CUX1: variants seen among roughly 807,000 people sequenced by gnomAD.
CUX1 encodes protein CASP.
In CUX1, 31 loss-of-function variants were observed where a neutral mutation model predicts 158.8. That is an observed-to-expected ratio of 0.20 (90% confidence interval 0.15 to 0.26). The LOEUF (loss-of-function observed/expected upper bound fraction) is 0.26. CUX1 is among the 10% of genes least tolerant of loss of function. The pLI is 1.00. For missense variants in CUX1, 1,589 were observed against 2,014.6 expected, an observed-to-expected ratio of 0.79 and a Z score of 4.04; for synonymous variants, 879 against 862.1, an observed-to-expected ratio of 1.02 and a Z score of -0.34.
chr7:102,011,779 C>T (rs1350400765), intron 2 of CUX1, among the ~76,000 whole-genome samples: 1 of 152,136 alleles, frequency 6.6e-6, no homozygotes, highest in Non-Finnish European at 1.5e-5. Context: ...CTCTCATTTT[C>T]GGCAGCAGGG....
chr7:102,096,317 G>A (rs1470198987), intron 4 of CUX1, among the ~76,000 whole-genome samples: 1 of 151,380 alleles, frequency 6.6e-6, no homozygotes, highest in Non-Finnish European at 1.5e-5. Context: ...AAGGAGGATC[G>A]TAATGGAAAG....
rs1320092010 is a variant in CUX1 at position 102,249,785 on chromosome 7, G to A, written c.*743G>A. 4.1e-6 allele frequency: 4 copies of A among 985,650 alleles called. No individual in the cohort carries two copies. The highest frequency in any genetic ancestry group is 2.3e-4 in the East Asian group (2 of 8,830). The allele number at this position is 985,650 out of a possible 1,614,324, so 61.1% of individuals were successfully genotyped here. On this transcript the variant is annotated 3_prime_UTR_variant, in exon 24 of 24. Coordinates refer to ENST00000292535, the MANE Select transcript of CUX1 (RefSeq NM_181552.4). ...AAACGACTCTAAACACACTAGTTTGGATTCCTAAATATTTTCAAGAAAAGA... is the reference window on the plus strand; with the variant it reads ...AAACGACTCTAAACACACTAGTTTGAATTCCTAAATATTTTCAAGAAAAGA...
At chr7:102,097,792 G>T (rs1829356057) in intron 5 of CUX1, among the ~76,000 whole-genome samples, 1 of 152,236 alleles carries the variant, frequency 6.6e-6, no homozygotes, top group Admixed American at 6.5e-5. Context: ...GATTGGGTCT[G>T]CCTCTTGAAA....
chr7:102,219,687 C>T (rs1030612871), intron 20 of CUX1, among the ~76,000 whole-genome samples: 2 of 152,148 alleles, frequency 1.3e-5, no homozygotes, highest in Non-Finnish European at 2.9e-5. Context: ...TTGTTTCTTT[C>T]ATGGTAAGGA....
chr7:101,895,729 C>G (rs1056863921), intron 1 of CUX1, among the ~76,000 whole-genome samples: 1 of 152,058 alleles, frequency 6.6e-6, no homozygotes, highest in African/African-American at 2.4e-5. Context: ...GCTGCCAGTC[C>G]AACCTTGCCC....
At chr7:102,195,426 A>G in intron 13 of CUX1, 81 bp from the exon 14 acceptor site, 1 of 1,108,124 alleles carries the variant, frequency 9.0e-7, no homozygotes. Flanking sequence ...AGATGGAGGG[A>G]GGCAGGGCTC....
chr7:102,090,418 C>T (rs1160722105), intron 4 of CUX1, among the ~76,000 whole-genome samples: 3 of 150,486 alleles, frequency 2.0e-5, no homozygotes, highest in African/African-American at 4.9e-5. Flanking sequence ...GATGGAGTCT[C>T]GCTCTGTCAC....
intron 21 of CUX1, 118 bp from the exon 22 acceptor site, chr7:102,233,934 C>A: frequency 1.4e-6 from 1 of 707,832 alleles, no homozygotes; most frequent in Non-Finnish European, 2.1e-6. Context: ...TAGGATGTCA[C>A]CAGCCCAACC....
At chr7:102,278,900 C>T (rs916838035) in intron 18 of CUX1, among the ~76,000 whole-genome samples, 5 of 151,584 alleles carry the variant, frequency 3.3e-5, no homozygotes, top group Middle Eastern at 3.2e-3. Context: ...ATTAGCCAGG[C>T]ATCGTGGCAC....
At chr7:101,894,822 A>G (rs903588557) in intron 1 of CUX1, among the ~76,000 whole-genome samples, 1 of 152,048 alleles carries the variant, frequency 6.6e-6, no homozygotes, top group African/African-American at 2.4e-5. Context: ...TTCCTGAAAG[A>G]TGTTTCTCAA....
At chr7:101,959,090 G>A (rs1460375396) in intron 2 of CUX1, among the ~76,000 whole-genome samples, 1 of 151,908 alleles carries the variant, frequency 6.6e-6, no homozygotes, top group Non-Finnish European at 1.5e-5. Flanking sequence ...AAATTCCTGG[G>A]CTTAAGTGAT....
At chr7:102,219,289 A>G (rs1434096681) in intron 20 of CUX1, among the ~76,000 whole-genome samples, 1 of 151,946 alleles carries the variant, frequency 6.6e-6, no homozygotes, top group East Asian at 1.9e-4. Flanking sequence ...TGGGGGGGAC[A>G]TTGATCTTTC....
chr7:101,849,939 G>A (rs1247765157), intron 1 of CUX1, among the ~76,000 whole-genome samples: 1 of 18,022 alleles, frequency 5.5e-5, no homozygotes, highest in Non-Finnish European at 1.1e-4. Flanking sequence ...TTTTTTTTTT[G>A]ACAGGGTCTC....
Position 102,234,035 on chromosome 7 carries a change from T to C in CUX1, c.3434-17T>C. 2 of 1,458,816 alleles carry C rather than the reference T, an allele frequency of 1.4e-6. No individual in the cohort carries two copies. The highest frequency in any genetic ancestry group is 1.8e-6 in the Non-Finnish European group (2 of 1,100,502). The allele number at this position is 1,458,816 out of a possible 1,614,324, so 90.4% of individuals were successfully genotyped here. ...CTCTCGGTGACAATACCTGTCTTGC[T>C]TCTGTTTTCTCTCTAGGCCAGCGCT... On this transcript the variant is annotated splice_polypyrimidine_tract_variant and intron_variant, in intron 21 of 23. Coordinates refer to ENST00000292535, the MANE Select transcript of CUX1 (RefSeq NM_181552.4).
At chr7:102,083,030 T>G (rs1827603789) in intron 4 of CUX1, among the ~76,000 whole-genome samples, 1 of 147,274 alleles carries the variant, frequency 6.8e-6, no homozygotes, top group African/African-American at 2.4e-5. Context: ...TCAATGTAGA[T>G]GTATCTTTTT....
intron 8 of CUX1, among the ~76,000 whole-genome samples, chr7:102,156,696 G>A (rs1342497592): frequency 6.6e-6 from 1 of 152,134 alleles, no homozygotes; most frequent in Non-Finnish European, 1.5e-5. Flanking sequence ...AGCAGGTTTC[G>A]GAAGGATAGA....
At chr7:102,059,502 G>A (rs1299951332) in intron 3 of CUX1, among the ~76,000 whole-genome samples, 5 of 151,994 alleles carry the variant, frequency 3.3e-5, no homozygotes, top group African/African-American at 9.6e-5. Flanking sequence ...CGTGGTGGCA[G>A]GTGCCTGTAG....
rs10622369 is a variant in CUX1, at chr7:101,904,117, A to AACACACACACACACACAC, written c.31-11982_31-11965dup. On this transcript the variant is annotated intron_variant, in intron 1 of 23. Transcript: ENST00000292535. ...ACATGGCAAAACCGTGTCTTTACAA[A>AACACACACACACACACAC]ACACACACACACACACACACACACA... Among the ~76,000 whole-genome samples, 116 of 143,858 alleles carry AACACACACACACACACAC rather than the reference A, an allele frequency of 8.1e-4. 1 individual carries two copies. The highest frequency in any genetic ancestry group is 1.4e-3 in the Admixed American group (20 of 14,336). 94.4% of individuals were successfully genotyped at this position (143,858 alleles called of 152,430 possible).
At position 102,233,200 on chromosome 7, in the gene CUX1, T is replaced by G. The variant is rs1426062081; in HGVS notation, c.3434-852T>G. ...TTTTTTTCCTTTTTTTTTTTTTTTT[T>G]GAGACAACGGTCTCTCTCTCTGTTG... On this transcript the variant is annotated intron_variant, in intron 21 of 23. Transcript: ENST00000292535. Among the ~76,000 whole-genome samples the G allele has an allele frequency of 2.4e-4, 5 of 20,748 alleles. No individual in the cohort carries two copies. The East Asian group carries it at 0.18, about 754-fold the overall frequency. 13.6% of individuals were successfully genotyped at this position (20,748 alleles called of 152,430 possible). A position where few individuals can be genotyped will look rare whatever the true frequency, so the allele number is the denominator to read the frequency against.
Sources: allele counts gnomAD v4.1 joint callset (sites outside exome capture counted in the v4.1 genomes callset), GRCh38; gene constraint gnomAD v4.1.1; transcripts MANE v1.5; gene names NCBI Gene and HGNC (gene_info 2026-07-23, HGNC 2026-07-21).